The following TRPM3 variants were observed in gnomAD, a reference collection of about 807,000 sequenced individuals.
TRPM3 encodes the protein long transient receptor potential channel 3.
A neutral mutation model predicts 181.2 loss-of-function variants in TRPM3; 77 were observed. That is an observed-to-expected ratio of 0.42 (90% CI 0.35 to 0.51). The LOEUF is 0.51. Ranked by LOEUF, TRPM3 falls within the 20% of genes least tolerant of loss-of-function variation. The pLI is 0.01. For missense variants in TRPM3, 1,759 were observed against 2,196.7 expected (o/e 0.80, Z 3.98); for synonymous variants, 745 against 796.4 (o/e 0.94, Z 1.09).
chr9:71,006,987 C>T (rs2134308911), intron 1 of TRPM3, among the ~76,000 whole-genome samples: 1 of 122,220 alleles, frequency 8.2e-6, no homozygotes, highest in South Asian at 2.7e-4. Flanking sequence ...TGCAGTGAGC[C>T]GAGATAGTGC....
chr9:70,606,984 T>C (rs775170808), intron 19 of TRPM3, among the ~76,000 whole-genome samples: 15 of 152,144 alleles, frequency 9.9e-5, no homozygotes, highest in Non-Finnish European at 1.8e-4. Context: ...TGGTCACTAC[T>C]AGAGAAACTC....
chr9:71,353,502 G>A (rs2091757234), intron 1 of TRPM3, among the ~76,000 whole-genome samples: 1 of 152,102 alleles, frequency 6.6e-6, no homozygotes, highest in South Asian at 2.1e-4. Context: ...GGGGTTAAGG[G>A]CAATCAACAG....
chr9:70,574,021 A>G (rs778835798), intron 22 of TRPM3, among the ~76,000 whole-genome samples: 1 of 139,184 alleles, frequency 7.2e-6, no homozygotes, highest in Non-Finnish European at 1.6e-5. Flanking sequence ...CACTACCAAC[A>G]CCACCATGCT....
intron 5 of TRPM3, among the ~76,000 whole-genome samples, chr9:70,841,660 A>G (rs1340398964): frequency 4.8e-5 from 5 of 103,690 alleles, no homozygotes; most frequent in African/African-American, 1.6e-4. Flanking sequence ...ATATATATAT[A>G]TCCCACCATA....
intron 1 of TRPM3, among the ~76,000 whole-genome samples, chr9:71,362,702 G>T (rs1480103070): frequency 6.6e-6 from 1 of 152,178 alleles, no homozygotes; most frequent in East Asian, 1.9e-4. Context: ...AACAATTTTT[G>T]TAACTTGTAA....
At chr9:71,217,077 A>G (rs2079930514) in intron 1 of TRPM3, among the ~76,000 whole-genome samples, 1 of 149,434 alleles carries the variant, frequency 6.7e-6, no homozygotes, top group African/African-American at 2.5e-5. Context: ...CAGCCTCCCG[A>G]GTAGCTGGGA....
intron 1 of TRPM3, among the ~76,000 whole-genome samples, chr9:71,393,084 A>G (rs1223262518): frequency 1.3e-5 from 2 of 152,254 alleles, no homozygotes; most frequent in Admixed American, 1.3e-4. Flanking sequence ...ACAGTGAGAT[A>G]AAGATGTGGA....
chr9:71,095,416 A>G (rs760371237), intron 1 of TRPM3, among the ~76,000 whole-genome samples: 2 of 152,052 alleles, frequency 1.3e-5, no homozygotes, highest in Non-Finnish European at 2.9e-5. Flanking sequence ...GCAGTTTCTT[A>G]TGAGCTCTTA....
chr9:71,388,436 G>A (rs933066784), intron 1 of TRPM3, among the ~76,000 whole-genome samples: 3 of 152,100 alleles, frequency 2.0e-5, no homozygotes, highest in African/African-American at 7.2e-5. Context: ...AAACTTCTGA[G>A]ACGGAGCCTT....
At chr9:70,782,396 G>C (rs1307253915) in intron 7 of TRPM3, among the ~76,000 whole-genome samples, 3 of 152,036 alleles carry the variant, frequency 2.0e-5, no homozygotes, top group African/African-American at 7.2e-5. Context: ...ATTTTTAGTA[G>C]AGATGGGGTT....
intron 6 of TRPM3, among the ~76,000 whole-genome samples, chr9:70,784,543 T>C (rs1337929177): frequency 2.0e-5 from 3 of 152,004 alleles, no homozygotes; most frequent in Non-Finnish European, 4.4e-5. Context: ...GGTTCCATAC[T>C]TTACAGGGGA....
chr9:71,339,547 C>T (rs189739494), intron 1 of TRPM3, among the ~76,000 whole-genome samples: 156 of 152,086 alleles, frequency 1.0e-3, no homozygotes, highest in Non-Finnish European at 1.6e-3. Flanking sequence ...ATGATAAAGG[C>T]GGCCTCTTGA....
chr9:71,251,328 T>C (rs1166985034), intron 1 of TRPM3, among the ~76,000 whole-genome samples: 1 of 152,190 alleles, frequency 6.6e-6, no homozygotes, highest in East Asian at 1.9e-4. Flanking sequence ...TCCCCTATCA[T>C]AGCATTAATC....
chr9:71,392,282 G>T (rs1251541228), intron 1 of TRPM3, among the ~76,000 whole-genome samples: 2 of 152,064 alleles, frequency 1.3e-5, no homozygotes, highest in East Asian at 1.9e-4. Context: ...AGAGAGAAAA[G>T]TAAGAGCCCA....
At chr9:71,043,342 T>G (rs79899911) in intron 1 of TRPM3, among the ~76,000 whole-genome samples, 12,773 of 152,200 alleles carry the variant, frequency 0.084, 720 homozygotes, top group Non-Finnish European at 0.13. Context: ...TGGAGGAGCC[T>G]GGAAGAGTTT....
At chr9:70,897,861 A>G (rs1296656786) in intron 1 of TRPM3, among the ~76,000 whole-genome samples, 2 of 152,218 alleles carry the variant, frequency 1.3e-5, no homozygotes, top group African/African-American at 4.8e-5. Context: ...ATTTGTGGTG[A>G]AGTTCAAGAA....
chr9:71,188,438 T>C (rs1361022761), intron 1 of TRPM3, among the ~76,000 whole-genome samples: 1 of 151,962 alleles, frequency 6.6e-6, no homozygotes, highest in East Asian at 1.9e-4. Context: ...AGAATCACTG[T>C]GTACAAGCAA....
chr9:71,228,350 A>G (rs1353139557), intron 1 of TRPM3, among the ~76,000 whole-genome samples: 1 of 152,150 alleles, frequency 6.6e-6, no homozygotes, highest in African/African-American at 2.4e-5. Context: ...AGCTACATAC[A>G]GCAGACCCAC....
intron 1 of TRPM3, among the ~76,000 whole-genome samples, chr9:70,922,439 T>G (rs2096667184): frequency 6.6e-6 from 1 of 152,186 alleles, no homozygotes; most frequent in African/African-American, 2.4e-5. Flanking sequence ...ATTATTGAAT[T>G]GCACACTCAA....
Sources: gnomAD v4.1 joint callset for allele counts (sites outside exome capture counted in the v4.1 genomes callset) on GRCh38, gnomAD v4.1.1 for gene constraint, MANE v1.5 for transcripts, NCBI Gene and HGNC (gene_info 2026-07-23, HGNC 2026-07-21) for gene names.